The following SRPRA variants were observed in gnomAD, a reference collection of about 807,000 sequenced individuals.
The protein encoded by SRPRA is SRP receptor subunit alpha, also known as signal recognition particle receptor subunit alpha.
In SRPRA, 30 loss-of-function variants were observed where a neutral mutation model predicts 61.1. That is an observed-to-expected ratio of 0.49 (90% CI 0.37 to 0.67). The LOEUF (loss-of-function observed/expected upper bound fraction) is 0.67, where lower values mean the gene tolerates loss of function less well. Ranked by LOEUF, SRPRA falls within the 30% of genes least tolerant of loss-of-function variation. The pLI is 0.00. For synonymous variants in SRPRA, 324 were observed against 299.7 expected, an observed-to-expected ratio of 1.08 and a Z score of -0.84; for missense variants, 759 against 828.4, an observed-to-expected ratio of 0.92 and a Z score of 1.03.
chr11:126,248,358 C>CTTTTTTTTTTTTTTTTT, the SRPRA span, among the ~76,000 whole-genome samples: 4 of 36,966 alleles, frequency 1.1e-4, 1 homozygote, highest in Non-Finnish European at 1.3e-4. Context: ...TAGTAGTTGA[C>CTTTTTTTTTTTTTTTTT]TTTTTTTTTT....
At chr11:126,252,907 CG>C in the SRPRA span, among the ~76,000 whole-genome samples, 1 of 151,584 alleles carries the variant, frequency 6.6e-6, no homozygotes, top group African/African-American at 2.4e-5. The surrounding 1 kb of genome is among the most constrained non-coding windows in gnomAD (Gnocchi z 4.7). Context: ...TGGTGGTGCA[CG>C]CCTGTAATCC....
Position 126,265,222 on chromosome 11 carries a change from C to T in SRPRA, c.1311+46G>A, listed in dbSNP as rs745449228. 25 of 1,613,618 alleles carry T rather than the reference C, an allele frequency of 1.5e-5. No homozygotes were observed. Among genetic ancestry groups the T allele is most frequent in the Non-Finnish European group, 2.0e-5 (24 of 1,179,708 alleles). On this transcript the variant is annotated intron_variant, in intron 10 of 13. Coordinates refer to ENST00000332118, the MANE Select transcript of SRPRA (RefSeq NM_003139.4). The surrounding 1 kb of genome is among the most constrained non-coding windows in gnomAD (Gnocchi z 6.3). Reference sequence around the variant, plus strand: ...CACCTAAAGCCAGGATTTTGAGACACAAGAAGTACAGAAATATCAGCGATA... The same window carrying T: ...CACCTAAAGCCAGGATTTTGAGACATAAGAAGTACAGAAATATCAGCGATA...
At chr11:126,250,837 G>T in the SRPRA span, 2 of 882,076 alleles carry the variant, frequency 2.3e-6, no homozygotes, top group South Asian at 2.1e-5. This position sits in a 1 kb window ranked among gnomAD's most constrained non-coding sequence, Gnocchi z 5.1. Context: ...GAGCTAGAAA[G>T]GAAAAATTTT....
chr11:126,244,080 A>G, the SRPRA span, among the ~76,000 whole-genome samples: 1 of 152,162 alleles, frequency 6.6e-6, no homozygotes, highest in Non-Finnish European at 1.5e-5. The surrounding 1 kb of genome is among the most constrained non-coding windows in gnomAD (Gnocchi z 4.5). Flanking sequence ...ATAGCAAACA[A>G]TAGAAGGTAA....
the SRPRA span, among the ~76,000 whole-genome samples, chr11:126,244,030 A>AT: frequency 3.3e-5 from 5 of 152,200 alleles, no homozygotes; most frequent in South Asian, 1.0e-3. The surrounding 1 kb of genome is among the most constrained non-coding windows in gnomAD (Gnocchi z 4.5). Context: ...CTCTTTCATG[A>AT]TTTTTTTTAA....
chr11:126,268,021 C>T lies in SRPRA; in HGVS notation c.183G>A (p.Gln61=). ...ALTLKYKLDN[Q]FELVFVVGFQ... is the part of the protein sequence containing the mutation. The stretch of plus-strand genomic sequence containing the variant: ...CACTTACCACAAACACCAGCTCAAA[C>T]TGGTTGTCCAGTTTATACTTGAGTG... Residue 61 remains glutamine, a synonymous_variant, in exon 2 of 14, where the codon CAG becomes CAA. Coordinates refer to ENST00000332118, the MANE Select transcript of SRPRA (RefSeq NM_003139.4). The T allele has an allele frequency of 6.2e-7, 1 of 1,614,180 alleles. No individual in the cohort carries two copies. The highest frequency in any genetic ancestry group is 1.1e-5 in the South Asian group (1 of 91,086).
chr11:126,250,443 A>G, the SRPRA span: 1 of 1,162,120 alleles, frequency 8.6e-7, no homozygotes, highest in South Asian at 1.3e-5. The surrounding 1 kb of genome is among the most constrained non-coding windows in gnomAD (Gnocchi z 5.1). Context: ...TACTGCTGTA[A>G]CTAAAACAAC....
chr11:126,253,894 AT>A, the SRPRA span, among the ~76,000 whole-genome samples: 1 of 152,176 alleles, frequency 6.6e-6, no homozygotes, highest in African/African-American at 2.4e-5. This position sits in a 1 kb window ranked among gnomAD's most constrained non-coding sequence, Gnocchi z 5.1. Context: ...CTAGTATCCC[AT>A]TGGCTAAAAG....
the SRPRA span, chr11:126,245,247 A>G: frequency 6.6e-6 from 1 of 152,124 alleles, no homozygotes; most frequent in Non-Finnish European, 1.5e-5. Context: ...TAGCCACTGC[A>G]CTCTAGCCTG....
At position 126,264,397 on chromosome 11, in the gene SRPRA, G is replaced by T; in HGVS notation, c.1668C>A (p.Gly556=). Residue 556 remains glycine, a synonymous_variant, in exon 12 of 14, where the codon GGC becomes GGA. Coordinates refer to ENST00000332118, the MANE Select transcript of SRPRA (RefSeq NM_003139.4). The surrounding 1 kb of genome is among the most constrained non-coding windows in gnomAD (Gnocchi z 5.0). The part of the protein sequence containing the change: ...LVLFVGEALV[G]NEAVDQLVKF... Reference sequence around the variant, plus strand: ...TCACCAGCTGGTCCACGGCTTCATTGCCTACTAAGGCTTCTCCTACAAACA... The same window carrying T: ...TCACCAGCTGGTCCACGGCTTCATTTCCTACTAAGGCTTCTCCTACAAACA... The T allele has an allele frequency of 6.2e-7, 1 of 1,614,182 alleles. No homozygotes were observed. The highest frequency in any genetic ancestry group is 8.5e-7 in the Non-Finnish European group (1 of 1,180,034).
rs764434604 is a variant in SRPRA at position 126,266,066 on chromosome 11, T to C, written c.948A>G (p.Thr316=). Reference sequence around the variant, plus strand: ...TCAGCATACCAAACATGCCACCCAGTGTTCCCTTGGTCGCACTGCAGGGAC... The same window carrying C: ...TCAGCATACCAAACATGCCACCCAGCGTTCCCTTGGTCGCACTGCAGGGAC... The part of the protein sequence containing the change: ...NSTKPSATKG[T]LGGMFGMLKG... Residue 316 remains threonine (T), a synonymous_variant, in exon 8 of 14, where the codon ACA becomes ACG. Transcript: ENST00000332118. 1.2e-6 allele frequency: 2 copies of C among 1,614,050 alleles called. No individual in the cohort carries two copies. The highest frequency in any genetic ancestry group is 2.7e-5 in the African/African-American group (2 of 74,926).
Position 126,265,841 on chromosome 11 carries a change from G to C in SRPRA, c.1052-18C>G, listed in dbSNP as rs770065578. The C allele has an allele frequency of 1.9e-6, 3 of 1,614,106 alleles. No homozygotes were observed. The Admixed American group carries it at 5.0e-5, about 27-fold the overall frequency. ...GTTCTTAGCTGAGGAGAGGGGGACA[G>C]GTATGTCAGTTCCATGTCAGCAATG... On this transcript the variant is annotated intron_variant, in intron 8 of 13. Coordinates refer to ENST00000332118, the MANE Select transcript of SRPRA (RefSeq NM_003139.4). This position sits in a 1 kb window ranked among gnomAD's most constrained non-coding sequence, Gnocchi z 6.3.
chr11:126,261,355 T>C (rs1269416703), downstream of SRPRA: 115 of 1,277,038 alleles, frequency 9.0e-5, no homozygotes, highest in Non-Finnish European at 1.3e-4. Context: ...CATCTCCCTT[T>C]AGTTTTCTTT....
chr11:126,239,920 T>C, the SRPRA span, among the ~76,000 whole-genome samples: 20 of 152,254 alleles, frequency 1.3e-4, no homozygotes, highest in Non-Finnish European at 4.4e-5. Context: ...TTGAAAGTGC[T>C]ATTCCTTTCT....
downstream of SRPRA, among the ~76,000 whole-genome samples, chr11:126,259,458 G>A (rs1463271157): frequency 1.3e-4 from 17 of 135,128 alleles, no homozygotes; most frequent in Admixed American, 1.1e-3. Flanking sequence ...ATGGAGTCTC[G>A]CTCTGACGCC....
chr11:126,244,791 G>A, the SRPRA span, among the ~76,000 whole-genome samples: 14 of 151,384 alleles, frequency 9.2e-5, no homozygotes, highest in African/African-American at 1.9e-4. This position sits in a 1 kb window ranked among gnomAD's most constrained non-coding sequence, Gnocchi z 4.5. Flanking sequence ...CAACAAGAGC[G>A]AAACTCCATC....
In SRPRA at chr11:126,263,831, T is replaced by G. The variant is rs569084715; in HGVS notation, c.*85A>C. 2.3e-5 allele frequency: 36 copies of G among 1,559,452 alleles called. No homozygotes were observed. The highest frequency in any genetic ancestry group is 3.0e-5 in the Non-Finnish European group (34 of 1,151,770). ...CCTTTGTACTACACTGAAGACAGGT[T>G]GCTCACATACTCTAAAGCACATTCT... On this transcript the variant is annotated 3_prime_UTR_variant, in exon 14 of 14. Transcript: ENST00000332118.
At chr11:126,246,198 G>A in the SRPRA span, among the ~76,000 whole-genome samples, 1 of 152,022 alleles carries the variant, frequency 6.6e-6, no homozygotes, top group African/African-American at 2.4e-5. Flanking sequence ...GAAGTATTGC[G>A]ATTATGTTTT....
At chr11:126,242,085 A>G in the SRPRA span, among the ~76,000 whole-genome samples, 2 of 151,982 alleles carry the variant, frequency 1.3e-5, no homozygotes, top group Admixed American at 1.3e-4. Context: ...ATCTCCATAC[A>G]CTTTATAAAA....
Sources: allele counts gnomAD v4.1 joint callset (sites outside exome capture counted in the v4.1 genomes callset), GRCh38; gene constraint gnomAD v4.1.1; non-coding constraint Gnocchi (gnomAD v3.1); transcripts MANE v1.5; gene names NCBI Gene and HGNC (gene_info 2026-07-23, HGNC 2026-07-21).